KCNQ1OT1: variants seen among roughly 807,000 people sequenced by gnomAD.
The protein encoded by KCNQ1OT1 is KCNQ1 opposite strand/antisense transcript 1.
At chr11:2,680,346 A>G (rs1850374468) in exon 1 of KCNQ1OT1, 1 of 397,696 alleles carries the variant, frequency 2.5e-6, no homozygotes, top group Non-Finnish European at 4.4e-6. Context: ...CTTTCCAGCC[A>G]CAAATAGAAG....
chr11:2,628,551 C>A, exon 1 of KCNQ1OT1: 1 of 398,390 alleles, frequency 2.5e-6, no homozygotes. Context: ...AATAGCTTAT[C>A]AGATATATGG....
chr11:2,680,766 A>C (rs191701867), exon 1 of KCNQ1OT1: 1 of 394,216 alleles, frequency 2.5e-6, no homozygotes, highest in African/African-American at 2.1e-5. Context: ...CTACTAACCT[A>C]TTCTTCATTT....
chr11:2,688,727 C>T (rs186986922), exon 1 of KCNQ1OT1: 62 of 398,924 alleles, frequency 1.6e-4, no homozygotes, highest in South Asian at 8.9e-4. Context: ...TTGGGTGGCC[C>T]GGCTCTGAGC....
chr11:2,621,370 C>T lies in KCNQ1OT1; in HGVS notation n.78625G>A. ...TCTTTTAAGAAATGTATGTTCCTGT[C>T]CTTTGCCAATTCAATTGGATTATTC... is the stretch of plus-strand genomic sequence containing the variant. On this transcript the variant is annotated non_coding_transcript_exon_variant, in exon 1 of 1. Transcript: ENST00000597346. The surrounding 1 kb of genome is among the most constrained non-coding windows in gnomAD (Gnocchi z 5.7). 1 of 398,516 alleles carries T rather than the reference C, an allele frequency of 2.5e-6. No homozygotes were observed. Among genetic ancestry groups the T allele is most frequent in the Non-Finnish European group, 4.4e-6 (1 of 226,044 alleles). 24.7% of individuals were successfully genotyped at this position (398,516 alleles called of 1,614,324 possible). A position where few individuals can be genotyped will look rare whatever the true frequency, so the allele number is the denominator to read the frequency against.
chr11:2,632,197 A>AG (rs1026006701), exon 1 of KCNQ1OT1: 36 of 397,854 alleles, frequency 9.0e-5, no homozygotes, highest in Admixed American at 1.8e-4. Context: ...AAAAAAAAAA[A>AG]AAAAAAGAAA....
At position 2,695,921 on chromosome 11, in the gene KCNQ1OT1, C is replaced by CT. The variant is rs1178704587; in HGVS notation, n.4073dup. ...ACCTTTTTCTTAATGATTTGTGGTG[C>CT]TTTCTGGTATATTTTAGCTGTTGTT... On this transcript the variant is annotated non_coding_transcript_exon_variant, in exon 1 of 1. Transcript: ENST00000597346. The surrounding 1 kb of genome is among the most constrained non-coding windows in gnomAD (Gnocchi z 5.2). The CT allele has an allele frequency of 1.0e-5, 4 of 398,442 alleles. No individual in the cohort carries two copies. In the Admixed American group the frequency reaches 1.3e-4, roughly 13 times the overall value. 24.7% of individuals were successfully genotyped at this position (398,442 alleles called of 1,614,324 possible).
At chr11:2,641,092 A>G (rs1445696953) in exon 1 of KCNQ1OT1, 5 of 398,384 alleles carry the variant, frequency 1.3e-5, no homozygotes, top group Non-Finnish European at 1.8e-5. Flanking sequence ...TCCTGAGTCC[A>G]TATCTTTGCT....
Position 2,613,494 on chromosome 11 carries a change from T to C in KCNQ1OT1, n.86501A>G. 1 of 398,590 alleles carries C rather than the reference T, an allele frequency of 2.5e-6. No individual in the cohort carries two copies. Among genetic ancestry groups the C allele is most frequent in the Non-Finnish European group, 4.4e-6 (1 of 226,058 alleles). The allele number at this position is 398,590 out of a possible 1,614,324, so 24.7% of individuals were successfully genotyped here. ...TTGTTGCTGGTCCTCAAGCCTACCG[T>C]GCCCCTGAGCTTGGGTGGGGAGATG... On this transcript the variant is annotated non_coding_transcript_exon_variant, in exon 1 of 1. Transcript: ENST00000597346. This position sits in a 1 kb window ranked among gnomAD's most constrained non-coding sequence, Gnocchi z 4.8.
exon 1 of KCNQ1OT1, chr11:2,649,088 A>G: frequency 2.6e-6 from 1 of 388,746 alleles, no homozygotes; most frequent in Non-Finnish European, 4.4e-6. Context: ...ATTCCCTTAC[A>G]GTCTATGGGT....
rs1036445685 is a variant in KCNQ1OT1 at position 2,651,649 on chromosome 11, C to G, written n.48346G>C. ...TGCCCCACCTGGGGTCTCTGTCTCT[C>G]CCACAGCTCACTGACATTAGCCACG... On this transcript the variant is annotated non_coding_transcript_exon_variant, in exon 1 of 1. Transcript: ENST00000597346. The surrounding 1 kb of genome is among the most constrained non-coding windows in gnomAD (Gnocchi z 6.1). 2.5e-6 allele frequency: 1 copy of G among 398,592 alleles called. No homozygotes were observed. The highest frequency in any genetic ancestry group is 2.1e-5 in the African/African-American group (1 of 48,642). The allele number at this position is 398,592 out of a possible 1,614,324, so 24.7% of individuals were successfully genotyped here.
exon 1 of KCNQ1OT1, chr11:2,666,724 C>G: frequency 2.5e-6 from 1 of 398,792 alleles, no homozygotes; most frequent in Non-Finnish European, 4.4e-6. Flanking sequence ...TGACCTACTC[C>G]CACAGACCCC....
chr11:2,633,620 G>C, exon 1 of KCNQ1OT1: 1 of 398,484 alleles, frequency 2.5e-6, no homozygotes. Context: ...GTTCAACATG[G>C]TGTCCTTTCC....
At position 2,617,416 on chromosome 11, in the gene KCNQ1OT1, T is replaced by G. The variant is rs572284450; in HGVS notation, n.82579A>C. On this transcript the variant is annotated non_coding_transcript_exon_variant, in exon 1 of 1. Coordinates refer to ENST00000597346, the Ensembl canonical transcript of KCNQ1OT1. The surrounding 1 kb of genome is among the most constrained non-coding windows in gnomAD (Gnocchi z 4.6). ...CAAGTGGCAGGATCTCCTTTTTTAATGCGGAATAATATTCCATTGTAGACA... is the reference window on the plus strand; with the variant it reads ...CAAGTGGCAGGATCTCCTTTTTTAAGGCGGAATAATATTCCATTGTAGACA... The G allele has an allele frequency of 7.5e-6, 3 of 398,496 alleles. No homozygotes were observed. The highest frequency in any genetic ancestry group is 1.3e-5 in the Non-Finnish European group (3 of 225,966). The allele number at this position is 398,496 out of a possible 1,614,324, so 24.7% of individuals were successfully genotyped here.
In KCNQ1OT1 at chr11:2,673,620, C is replaced by T. The variant is rs1850229538; in HGVS notation, n.26375G>A. Reference sequence around the variant, plus strand: ...AAGCTAAACGTGACCAGCCTACCCACCTTGCTACTGCTGATGACCACCCTG... The same window carrying T: ...AAGCTAAACGTGACCAGCCTACCCATCTTGCTACTGCTGATGACCACCCTG... On this transcript the variant is annotated non_coding_transcript_exon_variant, in exon 1 of 1. Transcript: ENST00000597346. This position sits in a 1 kb window ranked among gnomAD's most constrained non-coding sequence, Gnocchi z 4.5. 2.0e-5 allele frequency: 8 copies of T among 398,774 alleles called. No homozygotes were observed. Among genetic ancestry groups the T allele is most frequent in the Non-Finnish European group, 3.1e-5 (7 of 226,148 alleles). 24.7% of individuals were successfully genotyped at this position (398,774 alleles called of 1,614,324 possible). A position where few individuals can be genotyped will look rare whatever the true frequency, so the allele number is the denominator to read the frequency against.
At chr11:2,694,428 C>T (rs1850639526) in exon 1 of KCNQ1OT1, 1 of 398,504 alleles carries the variant, frequency 2.5e-6, no homozygotes, top group African/African-American at 2.1e-5. Context: ...AGGCAGGGTG[C>T]TAAACATCTT....
In KCNQ1OT1 at chr11:2,653,769, A is replaced by G. The variant is rs1849793892; in HGVS notation, n.46226T>C. 3 of 398,658 alleles carry G rather than the reference A, an allele frequency of 7.5e-6. No homozygotes were observed. The highest frequency in any genetic ancestry group is 1.3e-5 in the Non-Finnish European group (3 of 226,094). The allele number at this position is 398,658 out of a possible 1,614,324, so 24.7% of individuals were successfully genotyped here. A position where few individuals can be genotyped will look rare whatever the true frequency, so the allele number is the denominator to read the frequency against. On this transcript the variant is annotated non_coding_transcript_exon_variant, in exon 1 of 1. Coordinates refer to ENST00000597346, the Ensembl canonical transcript of KCNQ1OT1. The surrounding 1 kb of genome is among the most constrained non-coding windows in gnomAD (Gnocchi z 5.3). ...TCTTATTGGCCTCAGCTGGGGTACA[A>G]GCCATCCTTGGACCTGCAGCTGTAC... is the stretch of plus-strand genomic sequence containing the variant.
exon 1 of KCNQ1OT1, chr11:2,694,180 T>C (rs1363057866): frequency 5.0e-6 from 2 of 398,574 alleles, no homozygotes; most frequent in Admixed American, 8.8e-5. Context: ...TGGCCAGGCC[T>C]GGGCCAGGGT....
exon 1 of KCNQ1OT1, chr11:2,644,800 T>G (rs1849641451): frequency 5.0e-6 from 2 of 398,642 alleles, no homozygotes; most frequent in African/African-American, 2.1e-5. Flanking sequence ...TCCATGGAAT[T>G]TTTTTCAGCT....
In KCNQ1OT1 at chr11:2,612,238, A is replaced by C; in HGVS notation, n.87757T>G. ...CCTGTCTGATCAGTGATGGCATTAG[A>C]TTCTCACAGAGAGCAAATCCTATTG... On this transcript the variant is annotated non_coding_transcript_exon_variant, in exon 1 of 1. Coordinates refer to ENST00000597346, the Ensembl canonical transcript of KCNQ1OT1. The surrounding 1 kb of genome is among the most constrained non-coding windows in gnomAD (Gnocchi z 5.5). The C allele has an allele frequency of 2.5e-6, 1 of 398,588 alleles. No homozygotes were observed. The highest frequency in any genetic ancestry group is 4.4e-6 in the Non-Finnish European group (1 of 226,076). 24.7% of individuals were successfully genotyped at this position (398,588 alleles called of 1,614,324 possible).
Sources: allele counts gnomAD v4.1 joint callset, GRCh38; gene constraint gnomAD v4.1.1; non-coding constraint Gnocchi (gnomAD v3.1); transcripts MANE v1.5; gene names NCBI Gene and HGNC (gene_info 2026-07-23, HGNC 2026-07-21).